Variants in KCNH1 observed in about 807,000 individuals in gnomAD.
KCNH1 encodes the protein potassium voltage-gated channel subfamily H member 1.
In KCNH1, 27 loss-of-function variants were observed where a neutral mutation model predicts 69.2. The ratio of observed to expected loss-of-function variants is 0.39; its 90% CI spans 0.29 to 0.54. The LOEUF (loss-of-function observed/expected upper bound fraction) is 0.54. Ranked by LOEUF, KCNH1 falls within the 20% of genes least tolerant of loss-of-function variation. The pLI is 0.68. For missense variants in KCNH1, 798 were observed against 1,261.6 expected (o/e 0.63, Z 5.57); for synonymous variants, 456 against 487.7 (o/e 0.93, Z 0.86).
chr1:210,782,137 C>T (rs542733548), intron 9 of KCNH1, among the ~76,000 whole-genome samples: 1 of 152,164 alleles, frequency 6.6e-6, no homozygotes, highest in Admixed American at 6.5e-5. Flanking sequence ...TGGAAACACC[C>T]ATCGTAATTG....
At chr1:210,859,642 T>C (rs111751883) in intron 7 of KCNH1, 1 of 1,337,874 alleles carries the variant, frequency 7.5e-7, no homozygotes, top group African/African-American at 1.4e-5. Context: ...GTCATTCTTG[T>C]GTTCTGCATG....
In KCNH1 at chr1:210,795,184, T is replaced by G. The variant is rs537304309; in HGVS notation, c.1915+2324A>C. Among the ~76,000 whole-genome samples the G allele has an allele frequency of 4.6e-5, 7 of 152,286 alleles. No homozygotes were observed. In the East Asian group the frequency reaches 1.4e-3, roughly 29 times the overall value. On this transcript the variant is annotated intron_variant, in intron 9 of 10. Coordinates refer to ENST00000271751, the MANE Select transcript of KCNH1 (RefSeq NM_172362.3). ...TTTGTTTTGTGAGACAGGGTCTCCT[T>G]CTGTCACTCAGGCCTCAGGCTAGAG...
rs192254693 is a variant in KCNH1 at position 210,852,828 on chromosome 1, A to G, written c.1463-48662T>C. Among the ~76,000 whole-genome samples the G allele has an allele frequency of 2.1e-3, 313 of 152,312 alleles. 1 individual carries two copies. The highest frequency in any genetic ancestry group is 7.1e-3 in the African/African-American group (295 of 41,578). On this transcript the variant is annotated intron_variant, in intron 7 of 10. Transcript: ENST00000271751. ...GAAAAGATGTTAGAATTTCTTAGAT[A>G]TCCCATTAAGAAGACCCATACAGCC...
chr1:210,800,612 T>C (rs923293019), intron 8 of KCNH1, among the ~76,000 whole-genome samples: 2 of 152,124 alleles, frequency 1.3e-5, no homozygotes, highest in African/African-American at 2.4e-5. Context: ...CATCGTTCTT[T>C]CCATCTATTG....
chr1:210,847,896 C>T (rs899675456), intron 7 of KCNH1, among the ~76,000 whole-genome samples: 2 of 152,012 alleles, frequency 1.3e-5, no homozygotes, highest in African/African-American at 4.8e-5. Flanking sequence ...TGTAACCATT[C>T]CCCTAGCTCT....
In KCNH1 at chr1:210,760,746, G is replaced by C. The variant is rs555192470; in HGVS notation, c.2112+14602C>G. Among the ~76,000 whole-genome samples, 25 of 152,302 alleles carry C rather than the reference G, an allele frequency of 1.6e-4. No homozygotes were observed. The South Asian group carries it at 2.7e-3, about 16-fold the overall frequency. Reference sequence around the variant, plus strand: ...TAGCAGGCAAAGAGAGAGGGCTTGTGCAGGGAGATTCCTCTTTATAAAACC... The same window carrying C: ...TAGCAGGCAAAGAGAGAGGGCTTGTCCAGGGAGATTCCTCTTTATAAAACC... On this transcript the variant is annotated intron_variant, in intron 10 of 10. Coordinates refer to ENST00000271751, the MANE Select transcript of KCNH1 (RefSeq NM_172362.3).
At chr1:210,972,419 A>G in intron 6 of KCNH1, among the ~76,000 whole-genome samples, 1 of 152,130 alleles carries the variant, frequency 6.6e-6, no homozygotes, top group East Asian at 1.9e-4. Context: ...GTTGGTCTTC[A>G]TGCAGAAACC....
At chr1:210,758,232 G>C (rs1201738711) in intron 10 of KCNH1, among the ~76,000 whole-genome samples, 1 of 152,194 alleles carries the variant, frequency 6.6e-6, no homozygotes, top group Non-Finnish European at 1.5e-5. Flanking sequence ...AGGCATTTTA[G>C]TTTCAGCCCA....
intron 1 of KCNH1, among the ~76,000 whole-genome samples, chr1:211,113,906 G>C (rs539972242): frequency 6.6e-6 from 1 of 151,862 alleles, no homozygotes; most frequent in East Asian, 1.9e-4. Flanking sequence ...ACATGAGCTG[G>C]AGGCCAGTAA....
intron 7 of KCNH1, among the ~76,000 whole-genome samples, chr1:210,823,254 C>A (rs556426752): frequency 1.3e-5 from 2 of 151,806 alleles, no homozygotes; most frequent in African/African-American, 4.8e-5. Flanking sequence ...GAAAAAAAAA[C>A]AACCCAAATT....
intron 7 of KCNH1, chr1:210,860,407 T>C: frequency 1.7e-6 from 2 of 1,187,200 alleles, no homozygotes; most frequent in Non-Finnish European, 2.5e-6. Flanking sequence ...TATCTCTTTA[T>C]GATCTTCAAC....
intron 10 of KCNH1, among the ~76,000 whole-genome samples, chr1:210,706,685 T>C (rs1028244227): frequency 1.4e-4 from 22 of 152,334 alleles, no homozygotes; most frequent in Admixed American, 6.5e-5. Context: ...TTCTTCTGAG[T>C]CTCAGACCAT....
At chr1:210,961,349 T>C (rs551785872) in intron 6 of KCNH1, among the ~76,000 whole-genome samples, 5 of 152,270 alleles carry the variant, frequency 3.3e-5, no homozygotes, top group South Asian at 2.1e-4. Context: ...CTTTATTTCA[T>C]TGGGACAGTT....
At chr1:210,974,109 C>G (rs1299984265) in intron 6 of KCNH1, among the ~76,000 whole-genome samples, 1 of 152,068 alleles carries the variant, frequency 6.6e-6, no homozygotes, top group Admixed American at 6.6e-5. Context: ...TCTCACCCTT[C>G]TTAATGATAA....
At chr1:210,709,734 GAGAGAGAA>G (rs1190791208) in intron 10 of KCNH1, among the ~76,000 whole-genome samples, 2 of 130,600 alleles carry the variant, frequency 1.5e-5, no homozygotes, top group East Asian at 2.0e-4. Flanking sequence ...GAGAGAGAGA[GAGAGAGAA>G]AGAGAGAGAG....
At chr1:210,906,046 C>T (rs1397919937) in intron 7 of KCNH1, among the ~76,000 whole-genome samples, 1 of 152,178 alleles carries the variant, frequency 6.6e-6, no homozygotes, top group Non-Finnish European at 1.5e-5. Flanking sequence ...CTCAAGGGAG[C>T]AGCTGATGGA....
At chr1:210,807,633 A>AAAT (rs371459135) in intron 7 of KCNH1, among the ~76,000 whole-genome samples, 60 of 151,300 alleles carry the variant, frequency 4.0e-4, no homozygotes, top group East Asian at 1.2e-3. Flanking sequence ...ATAAATAAAT[A>AAAT]AATAATAATA....
At position 210,680,873 on chromosome 1, in the gene KCNH1, T is replaced by G. The variant is rs1036174466; in HGVS notation, c.*2408A>C. ...TAAAGCTACATTCCCCCCAAGAACA[T>G]GTCTGGACTTCAAAGCCTTATACCA... On this transcript the variant is annotated 3_prime_UTR_variant, in exon 11 of 11. Transcript: ENST00000271751. 3 of 152,042 alleles carry G rather than the reference T, an allele frequency of 2.0e-5. No homozygotes were observed. The highest frequency in any genetic ancestry group is 4.4e-5 in the Non-Finnish European group (3 of 68,024). 9.4% of individuals were successfully genotyped at this position (152,042 alleles called of 1,614,324 possible).
chr1:211,090,709 G>A lies in KCNH1; in HGVS notation c.311-19C>T, dbSNP rs1326609402. ...GGTGTCCCTGAAAGGAATATCAAAA[G>A]GTTGGTCAGTAATTTGCATTCTCAT... On this transcript the variant is annotated intron_variant, in intron 3 of 10. Transcript: ENST00000271751. The A allele has an allele frequency of 6.3e-7, 1 of 1,593,202 alleles. No homozygotes were observed. Among genetic ancestry groups the A allele is most frequent in the East Asian group, 2.3e-5 (1 of 44,358 alleles).
Sources: allele counts gnomAD v4.1 joint callset (sites outside exome capture counted in the v4.1 genomes callset), GRCh38; gene constraint gnomAD v4.1.1; transcripts MANE v1.5; gene names NCBI Gene and HGNC (gene_info 2026-07-23, HGNC 2026-07-21).